HLCS: variants seen among roughly 807,000 people sequenced by gnomAD.
The protein encoded by HLCS is holocarboxylase synthetase.
Under a neutral mutation model 75.0 loss-of-function variants are expected in HLCS, and 53 were observed. The ratio of observed to expected loss-of-function variants is 0.71; its 90% CI spans 0.57 to 0.89. The LOEUF is 0.89. Ranked by LOEUF, HLCS falls within the 40% of genes least tolerant of loss-of-function variation. The probability of loss-of-function intolerance (pLI) is 0.00; values close to 1 mark genes in which losing one functional copy is unlikely to be tolerated. For synonymous variants in HLCS, 431 were observed against 428.6 expected (o/e 1.01, Z -0.07); for missense variants, 966 against 1,074.0 (o/e 0.90, Z 1.41).
At chr21:36,884,542 C>T (rs2064365121) in intron 6 of HLCS, among the ~76,000 whole-genome samples, 1 of 152,170 alleles carries the variant, frequency 6.6e-6, no homozygotes, top group African/African-American at 2.4e-5. Flanking sequence ...GAAGCAGTTC[C>T]AACCCTCAGC....
chr21:36,916,350 G>A (rs1344299288), intron 5 of HLCS, among the ~76,000 whole-genome samples: 1 of 151,830 alleles, frequency 6.6e-6, no homozygotes, highest in Non-Finnish European at 1.5e-5. Flanking sequence ...TTTATGTTCT[G>A]TAATTTAAGA....
At chr21:36,759,251 T>C in intron 9 of HLCS, 2 of 469,320 alleles carry the variant, frequency 4.3e-6, no homozygotes, top group Non-Finnish European at 8.8e-6. Flanking sequence ...CTGATTTGGA[T>C]GTGCTAAGGT....
intron 2 of HLCS, among the ~76,000 whole-genome samples, chr21:36,956,004 T>A (rs574739688): frequency 1.3e-5 from 2 of 152,318 alleles, no homozygotes; most frequent in East Asian, 3.9e-4. Flanking sequence ...AGGTGTAAAG[T>A]AGGCTACAGC....
At position 36,972,667 on chromosome 21, in the gene HLCS, T is replaced by A. The variant is rs538110613; in HGVS notation, c.-392-10497A>T. ...AAAGCCATAGATTTATATTTCTGTA[T>A]TAATAAGGAATCTATGCATATTTTT... On this transcript the variant is annotated intron_variant, in intron 1 of 11. Coordinates refer to the HLCS transcript ENST00000336648. 3.3e-5 allele frequency among the ~76,000 whole-genome samples: 5 copies of A among 152,350 alleles called. No individual in the cohort carries two copies. The East Asian group carries it at 9.6e-4, about 29-fold the overall frequency.
intron 6 of HLCS, among the ~76,000 whole-genome samples, chr21:36,849,051 T>C (rs1315961117): frequency 1.3e-5 from 2 of 152,184 alleles, no homozygotes; most frequent in African/African-American, 4.8e-5. Context: ...AATAACAACA[T>C]TCTTGTTATA....
chr21:36,857,515 A>G (rs1272361602), intron 6 of HLCS, among the ~76,000 whole-genome samples: 1 of 152,198 alleles, frequency 6.6e-6, no homozygotes, highest in Non-Finnish European at 1.5e-5. Context: ...TAGGTTACCA[A>G]TGATACCAGC....
At position 36,827,962 on chromosome 21, in the gene HLCS, C is replaced by T. The variant is rs570615058; in HGVS notation, c.1893-60677G>A. Among the ~76,000 whole-genome samples, 354 of 151,940 alleles carry T rather than the reference C, an allele frequency of 2.3e-3. 3 individuals are homozygous for T. The highest frequency in any genetic ancestry group is 8.2e-3 in the African/African-American group (339 of 41,446). On this transcript the variant is annotated intron_variant, in intron 6 of 10. Transcript: ENST00000674895. ...CCAAGTAGCTGGGACTACAGGCTCC[C>T]GCCACCACACCCAGCTAATTTTTTG...
At chr21:36,857,948 C>T (rs961589367) in intron 6 of HLCS, among the ~76,000 whole-genome samples, 2 of 151,974 alleles carry the variant, frequency 1.3e-5, no homozygotes, top group African/African-American at 4.8e-5. Context: ...AGGCACCACA[C>T]CCGGCTAATT....
intron 6 of HLCS, among the ~76,000 whole-genome samples, chr21:36,779,444 T>C (rs554026715): frequency 6.6e-6 from 1 of 152,208 alleles, no homozygotes; most frequent in South Asian, 2.1e-4. Context: ...TCCAATCCAA[T>C]ACCACAAGGT....
chr21:36,806,470 G>GA lies in HLCS; in HGVS notation c.1893-39186dup, dbSNP rs899988195. Among the ~76,000 whole-genome samples the GA allele has an allele frequency of 2.8e-3, 420 of 149,942 alleles. 2 individuals carry two copies. The highest frequency in any genetic ancestry group is 9.5e-3 in the African/African-American group (387 of 40,844). ...TTTGAAAGAAGCAGGTGAGGTTTCC[G>GA]AAAAAAAAACCAAGTGAAATGAAAG... On this transcript the variant is annotated intron_variant, in intron 6 of 10. Transcript: ENST00000674895.
chr21:36,880,954 TTTTGTTTG>T (rs146652378), intron 6 of HLCS, among the ~76,000 whole-genome samples: 2,027 of 150,198 alleles, frequency 0.013, 37 homozygotes, highest in African/African-American at 0.044. Flanking sequence ...AGCAGAGAGT[TTTTGTTTG>T]TTTGTTTGTT....
chr21:36,786,908 G>C (rs1193245354), intron 6 of HLCS, among the ~76,000 whole-genome samples: 2 of 152,202 alleles, frequency 1.3e-5, no homozygotes, highest in East Asian at 1.9e-4. Flanking sequence ...TTAAGGAGTA[G>C]GGACAACAGA....
At chr21:36,790,082 T>C (rs568440052) in intron 6 of HLCS, among the ~76,000 whole-genome samples, 1 of 152,346 alleles carries the variant, frequency 6.6e-6, no homozygotes, top group South Asian at 2.1e-4. Context: ...TGTTTCATTA[T>C]ATCCTTGCCC....
At chr21:36,759,557 G>A (rs540090261) in intron 9 of HLCS, among the ~76,000 whole-genome samples, 170 bp downstream of exon 9, 2 of 152,264 alleles carry the variant, frequency 1.3e-5, no homozygotes, top group African/African-American at 4.8e-5. Flanking sequence ...TAAACCCTGT[G>A]AAGTGCTTTC....
intron 6 of HLCS, among the ~76,000 whole-genome samples, chr21:36,886,233 C>T (rs2064451420): frequency 6.6e-6 from 1 of 151,726 alleles, no homozygotes; most frequent in Non-Finnish European, 1.5e-5. Context: ...AAATCGAGAC[C>T]ATCCTGGTGA....
At chr21:36,969,852 C>A (rs1458026834), upstream of HLCS, among the ~76,000 whole-genome samples, 1 of 152,090 alleles carries the variant, frequency 6.6e-6, no homozygotes, top group Non-Finnish European at 1.5e-5. Flanking sequence ...GGATTACAGG[C>A]GTGAGCCACC....
chr21:36,890,101 T>G (rs1274626672), intron 6 of HLCS, among the ~76,000 whole-genome samples: 1 of 152,158 alleles, frequency 6.6e-6, no homozygotes, highest in Non-Finnish European at 1.5e-5. Context: ...TGCCGCCTTG[T>G]GAAGAAGGTG....
At chr21:36,756,240 C>T (rs1021667517) in intron 10 of HLCS, among the ~76,000 whole-genome samples, 1 of 150,026 alleles carries the variant, frequency 6.7e-6, no homozygotes, top group Non-Finnish European at 1.5e-5. Context: ...AGATCGAGAC[C>T]ATCCTGGCTA....
In HLCS at chr21:36,841,958, C is replaced by A. The variant is rs77490813; in HGVS notation, c.1892+54902G>T. Reference sequence around the variant, plus strand: ...CTAAGGCTGACATATGCATACCTCACAACCCAGCAATTCTACTCCTGGGTA... The same window carrying A: ...CTAAGGCTGACATATGCATACCTCAAAACCCAGCAATTCTACTCCTGGGTA... On this transcript the variant is annotated intron_variant, in intron 6 of 10. Transcript: ENST00000674895. 2.2e-4 allele frequency among the ~76,000 whole-genome samples: 33 copies of A among 152,350 alleles called. No homozygotes were observed. In the East Asian group the frequency reaches 6.4e-3, roughly 29 times the overall value.
Sources: gnomAD v4.1 joint callset for allele counts (sites outside exome capture counted in the v4.1 genomes callset) on GRCh38, gnomAD v4.1.1 for gene constraint, MANE v1.5 for transcripts, NCBI Gene and HGNC (gene_info 2026-07-23, HGNC 2026-07-21) for gene names.